RUFY3: variants seen among roughly 807,000 people sequenced by gnomAD.
The protein encoded by RUFY3 is protein RUFY3.
Under a neutral mutation model 84.0 loss-of-function variants are expected in RUFY3, and 34 were observed. That is an observed-to-expected ratio of 0.40 (90% CI 0.31 to 0.54). RUFY3 has a LOEUF of 0.54. Among genes scored for constraint, RUFY3 ranks in the 20% least tolerant of loss-of-function variants. The pLI is 0.39. For synonymous variants in RUFY3, 242 were observed against 252.9 expected (o/e 0.96, Z 0.41); for missense variants, 507 against 736.8 (o/e 0.69, Z 3.61).
At chr4:70,771,513 TATAA>T in intron 5 of RUFY3, among the ~76,000 whole-genome samples, 1 of 152,258 alleles carries the variant, frequency 6.6e-6, no homozygotes, top group African/African-American at 2.4e-5. Context: ...TTTTGTATAT[TATAA>T]ATAGTTATAT....
rs1284473267 is a variant in RUFY3, at chr4:70,794,879, G to T, written c.1542G>T (p.Lys514Asn). The T allele has an allele frequency of 6.2e-7, 1 of 1,603,640 alleles. No homozygotes were observed. Residue 514 changes from lysine (K) to asparagine (N), a missense_variant, in exon 14 of 18, where the codon AAG becomes AAT. Transcript: ENST00000381006. Reference sequence around the variant, plus strand: ...GCATCCCAGGAAGGGGTTCCCAGAAGTCAGAATCCAAGATGGTAATATTTG... The same window carrying T: ...GCATCCCAGGAAGGGGTTCCCAGAATTCAGAATCCAAGATGGTAATATTTG... ...DRSIPGRGSQ[K>N]SESKMDGKHK...
chr4:70,785,093 AT>A (rs1229446103), intron 10 of RUFY3, among the ~76,000 whole-genome samples: 1 of 152,066 alleles, frequency 6.6e-6, no homozygotes, highest in Non-Finnish European at 1.5e-5. Context: ...GTTAATCTTT[AT>A]TTTTTTGCTT....
At chr4:70,747,766 T>C (rs2148663914) in intron 1 of RUFY3, among the ~76,000 whole-genome samples, 1 of 152,252 alleles carries the variant, frequency 6.6e-6, no homozygotes, top group South Asian at 2.1e-4. Context: ...TGGAGACCCA[T>C]CTATTCAGGA....
chr4:70,775,100 G>A (rs1727705435), intron 6 of RUFY3, 68 bp from the exon 7 acceptor site: 1 of 1,113,808 alleles, frequency 9.0e-7, no homozygotes, highest in Non-Finnish European at 1.3e-6. Context: ...GATGGGGTGG[G>A]GTGGGGTTGG....
intron 8 of RUFY3, among the ~76,000 whole-genome samples, chr4:70,782,028 G>A (rs1255570665): frequency 6.6e-6 from 1 of 152,096 alleles, no homozygotes; most frequent in African/African-American, 2.4e-5. Context: ...TCTCCTCAAT[G>A]CTTAATGGGA....
intron 1 of RUFY3, among the ~76,000 whole-genome samples, chr4:70,706,375 C>T (rs888880361): frequency 6.6e-6 from 1 of 152,114 alleles, no homozygotes; most frequent in African/African-American, 2.4e-5. Context: ...TTTTCTGCCC[C>T]GATCCATCTC....
In RUFY3 at chr4:70,804,432, A is replaced by G. The variant is rs1204746632; in HGVS notation, c.1719+16A>G. On this transcript the variant is annotated intron_variant, in intron 17 of 17. Coordinates refer to ENST00000381006, the MANE Select transcript of RUFY3 (RefSeq NM_001037442.4). ...CCTAACAAAGGTAACTGTGATGAGA[A>G]ACGGACAGGCTTTTCATAGGGATGT... The G allele has an allele frequency of 1.2e-6, 2 of 1,610,960 alleles. No individual in the cohort carries two copies. The highest frequency in any genetic ancestry group is 2.2e-5 in the South Asian group (2 of 90,938).
intron 1 of RUFY3, among the ~76,000 whole-genome samples, chr4:70,731,879 T>G (rs372128246): frequency 1.3e-5 from 2 of 152,232 alleles, no homozygotes; most frequent in African/African-American, 2.4e-5. Flanking sequence ...AAAAGCAGTT[T>G]GTGATAGCAG....
In RUFY3 at chr4:70,774,691, G is replaced by A. The variant is rs1164932469; in HGVS notation, c.759-477G>A. Among the ~76,000 whole-genome samples, 8 of 120,098 alleles carry A rather than the reference G, an allele frequency of 6.7e-5. No individual in the cohort carries two copies. In the East Asian group the frequency reaches 1.1e-3, roughly 16 times the overall value. The allele number at this position is 120,098 out of a possible 152,430, so 78.8% of individuals were successfully genotyped here. On this transcript the variant is annotated intron_variant, in intron 6 of 17. Transcript: ENST00000381006. ...TATATAAAATAAACATTCAATCTTC[G>A]TGAAACCCTTTTTAACCATTCACTT...
rs552060332 is a variant in RUFY3, at chr4:70,788,026, C to T, written c.1072-780C>T. 2.0e-5 allele frequency among the ~76,000 whole-genome samples: 3 copies of T among 152,156 alleles called. No homozygotes were observed. In the East Asian group the frequency reaches 5.8e-4, roughly 29 times the overall value. ...TAGCGGCCGAGTGTGGTGGCTCACA[C>T]CTGTAATCCCAGCACTTTGGGAGGC... On this transcript the variant is annotated intron_variant, in intron 10 of 17. Transcript: ENST00000381006.
At chr4:70,765,908 G>A (rs371501264) in intron 4 of RUFY3, among the ~76,000 whole-genome samples, 106 of 151,474 alleles carry the variant, frequency 7.0e-4, no homozygotes, top group Non-Finnish European at 1.1e-3. Flanking sequence ...GACTACAGGC[G>A]CACACCACCA....
chr4:70,761,916 G>A (rs1448417024), intron 1 of RUFY3, among the ~76,000 whole-genome samples: 1 of 152,164 alleles, frequency 6.6e-6, no homozygotes, highest in Non-Finnish European at 1.5e-5. Flanking sequence ...GAGAAAAGAG[G>A]GGTAGGCAAG....
intron 10 of RUFY3, among the ~76,000 whole-genome samples, chr4:70,787,338 A>ACCT (rs1176075320): frequency 3.4e-4 from 51 of 148,440 alleles, no homozygotes; most frequent in African/African-American, 1.2e-3. Flanking sequence ...GCTCACTGCA[A>ACCT]CCTCCGCCTC....
chr4:70,791,161 G>T, intron 12 of RUFY3: 1 of 1,321,184 alleles, frequency 7.6e-7, no homozygotes, highest in Non-Finnish European at 1.1e-6. Flanking sequence ...TGCTATTTTT[G>T]TGTTTCCTGT....
intron 7 of RUFY3, among the ~76,000 whole-genome samples, chr4:70,777,130 T>C (rs190011981): frequency 1.1e-3 from 171 of 152,346 alleles, no homozygotes; most frequent in African/African-American, 4.0e-3. Flanking sequence ...AAAAAATACA[T>C]GCCCAGCTTT....
chr4:70,730,216 C>G (rs956956337), intron 1 of RUFY3, among the ~76,000 whole-genome samples: 2 of 151,900 alleles, frequency 1.3e-5, no homozygotes, highest in African/African-American at 2.4e-5. Context: ...AGCCACTGCA[C>G]CCAGCCAAAA....
intron 1 of RUFY3, among the ~76,000 whole-genome samples, chr4:70,708,625 G>C (rs75554009): frequency 0.028 from 4,195 of 152,282 alleles, 157 homozygotes; most frequent in African/African-American, 0.08. Flanking sequence ...AGCTTTGAAA[G>C]ACTGTGTATT....
At chr4:70,768,686 TG>T in intron 5 of RUFY3, 25 bp downstream of exon 5, 8 of 1,611,158 alleles carry the variant, frequency 5.0e-6, no homozygotes, top group Non-Finnish European at 6.8e-6. Context: ...CTCATTCCCA[TG>T]GGTGTCACTC....
chr4:70,792,968 A>T (rs945905908), intron 12 of RUFY3: 1 of 985,338 alleles, frequency 1.0e-6, no homozygotes, highest in African/African-American at 1.7e-5. Context: ...GTGATCAAAT[A>T]CCGAAATTGA....
Sources: gnomAD v4.1 joint callset for allele counts (sites outside exome capture counted in the v4.1 genomes callset) on GRCh38, gnomAD v4.1.1 for gene constraint, MANE v1.5 for transcripts, NCBI Gene and HGNC (gene_info 2026-07-23, HGNC 2026-07-21) for gene names.